The following FGF13 variants were observed in gnomAD, a reference collection of about 807,000 sequenced individuals.
FGF13 encodes fibroblast growth factor 13, also known as fibroblast growth factor homologous factor 2.
FGF13 carries 2 observed loss-of-function variants against 19.5 expected under a neutral mutation model. That is an observed-to-expected ratio of 0.10 (90% CI 0.04 to 0.32). FGF13 has a LOEUF of 0.32. Among genes scored for constraint, FGF13 ranks in the 10% least tolerant of loss-of-function variants. FGF13 has a pLI of 1.00. For synonymous variants in FGF13, 72 were observed against 76.9 expected, an observed-to-expected ratio of 0.94 and a Z score of 0.33; for missense variants, 113 against 192.7, an observed-to-expected ratio of 0.59 and a Z score of 2.45.
intron 3 of FGF13, among the ~76,000 whole-genome samples, chrX:138,644,487 C>G (rs1256948028): frequency 2.7e-5 from 3 of 110,501 alleles, no homozygotes; most frequent in Admixed American, 1.9e-4. Context: ...ACCATGTTGG[C>G]CAGGCTGGTC....
chrX:139,001,709 G>A (rs980078261), intron 1 of FGF13, among the ~76,000 whole-genome samples: 3 of 111,740 alleles, frequency 2.7e-5, no homozygotes, highest in African/African-American at 9.8e-5. Context: ...GAGAGGATGT[G>A]GAGAAATAGG....
intron 2 of FGF13, among the ~76,000 whole-genome samples, chrX:138,864,243 G>T (rs1388705923): frequency 8.9e-6 from 1 of 112,720 alleles, no homozygotes; most frequent in Admixed American, 9.4e-5. Context: ...AAGATGCTCA[G>T]CATCCTGCAA....
chrX:139,145,387 T>C (rs1027966925), intron 1 of FGF13, among the ~76,000 whole-genome samples: 2 of 111,898 alleles, frequency 1.8e-5, no homozygotes, highest in South Asian at 3.8e-4. Flanking sequence ...TCATGGTATA[T>C]ACATATGTCA....
intron 1 of FGF13, among the ~76,000 whole-genome samples, chrX:139,069,533 C>A (rs2092369618): frequency 1.0e-5 from 1 of 97,448 alleles, no homozygotes; most frequent in Non-Finnish European, 2.1e-5. Flanking sequence ...TTCGTGGGTG[C>A]AGCGCCCCAG....
chrX:138,824,760 G>T (rs1040101835), intron 3 of FGF13, among the ~76,000 whole-genome samples: 1 of 111,464 alleles, frequency 9.0e-6, no homozygotes, highest in Non-Finnish European at 1.9e-5. Flanking sequence ...AAAAGTGATT[G>T]GGCACGGCTA....
At chrX:138,758,652 C>A (rs1207572716) in intron 3 of FGF13, among the ~76,000 whole-genome samples, 2 of 111,698 alleles carry the variant, frequency 1.8e-5, no homozygotes, top group Non-Finnish European at 3.8e-5. Flanking sequence ...GCTCCTGCAG[C>A]CTACCCTGAA....
intron 1 of FGF13, among the ~76,000 whole-genome samples, chrX:138,720,896 A>AG (rs2090142592): frequency 8.9e-6 from 1 of 112,100 alleles, no homozygotes; most frequent in African/African-American, 3.2e-5. Context: ...CCCTTTGAAC[A>AG]TCAACCACTG....
At chrX:138,641,743 T>C (rs2089253566) in intron 3 of FGF13, among the ~76,000 whole-genome samples, 2 of 111,582 alleles carry the variant, frequency 1.8e-5, no homozygotes, top group Admixed American at 9.6e-5. Flanking sequence ...AATTTCATTA[T>C]TACTGAGATC....
chrX:139,143,795 T>A (rs1386806479), intron 1 of FGF13, among the ~76,000 whole-genome samples: 5 of 111,702 alleles, frequency 4.5e-5, no homozygotes, highest in Non-Finnish European at 7.5e-5. Context: ...TGAGCACAGA[T>A]TGGGGATGCA....
chrX:138,693,552 T>C (rs2089860729), intron 3 of FGF13, among the ~76,000 whole-genome samples: 1 of 111,913 alleles, frequency 8.9e-6, no homozygotes, highest in African/African-American at 3.2e-5. Context: ...TAGTGTGAAC[T>C]GAAAACATTC....
At chrX:138,784,041 C>T (rs1267817718) in intron 3 of FGF13, among the ~76,000 whole-genome samples, 5 of 98,801 alleles carry the variant, frequency 5.1e-5, no homozygotes, top group African/African-American at 1.8e-4. Flanking sequence ...TGGAAATCAT[C>T]ATTCTCAGTA....
intron 3 of FGF13, among the ~76,000 whole-genome samples, chrX:138,642,113 C>T (rs180750455): frequency 3.2e-3 from 335 of 106,027 alleles, no homozygotes; most frequent in African/African-American, 9.7e-3. Flanking sequence ...AAAAAGTAGG[C>T]GATCAAAGGA....
rs750324122 is a variant in FGF13, at chrX:138,629,930, T to G, written c.*2920A>C. On this transcript the variant is annotated 3_prime_UTR_variant, in exon 5 of 5. Coordinates refer to ENST00000315930, the MANE Select transcript of FGF13 (RefSeq NM_004114.5). ...GAAGTGTTTCCCACAACTATTTGAC[T>G]AGAGTCTTTTTTTCTTTCATCAGTT... 9.0e-6 allele frequency: 1 copy of G among 111,273 alleles called. No homozygotes were observed. Among genetic ancestry groups the G allele is most frequent in the South Asian group, 3.8e-4 (1 of 2,598 alleles). 9.2% of individuals were successfully genotyped at this position (111,273 alleles called of 1,213,427 possible). A position where few individuals can be genotyped will look rare whatever the true frequency, so the allele number is the denominator to read the frequency against.
intron 1 of FGF13, among the ~76,000 whole-genome samples, chrX:138,871,372 G>A (rs1188498703): frequency 9.0e-6 from 1 of 111,619 alleles, no homozygotes; most frequent in African/African-American, 3.3e-5. Context: ...TAGAAGATGG[G>A]GGGGGAACAG....
chrX:139,185,796 A>G (rs2084278255), intron 1 of FGF13, among the ~76,000 whole-genome samples: 1 of 112,264 alleles, frequency 8.9e-6, no homozygotes, highest in African/African-American at 3.2e-5. Context: ...AACTAAAGTC[A>G]GGATCTGGCA....
upstream of FGF13, chrX:139,204,180 T>C: frequency 1.0e-6 from 1 of 1,002,840 alleles, no homozygotes; most frequent in Admixed American, 2.2e-5. Context: ...CTTGGGAGAG[T>C]GCTTAGGGCG....
chrX:138,890,750 G>A (rs1436018257), intron 1 of FGF13, among the ~76,000 whole-genome samples: 2 of 111,614 alleles, frequency 1.8e-5, no homozygotes, highest in African/African-American at 6.5e-5. Flanking sequence ...CCTTTACTAA[G>A]GTTCAGCAGC....
At chrX:138,690,878 A>C (rs2089832239) in intron 3 of FGF13, among the ~76,000 whole-genome samples, 1 of 111,646 alleles carries the variant, frequency 9.0e-6, no homozygotes, top group Admixed American at 9.5e-5. Context: ...ATCAACTATT[A>C]ACAATTACAG....
chrX:138,917,152 G>T (rs991290363), intron 1 of FGF13, among the ~76,000 whole-genome samples: 1 of 111,898 alleles, frequency 8.9e-6, no homozygotes, highest in Non-Finnish European at 1.9e-5. Context: ...TTAGGAAAAT[G>T]CACGTTTAGT....
Sources: gnomAD v4.1 joint callset for allele counts (sites outside exome capture counted in the v4.1 genomes callset) on GRCh38, gnomAD v4.1.1 for gene constraint, MANE v1.5 for transcripts, NCBI Gene and HGNC (gene_info 2026-07-23, HGNC 2026-07-21) for gene names.